Variants in THRAP3 observed in about 807,000 individuals in gnomAD.
THRAP3 encodes the protein thyroid hormone receptor associated protein 3, also known as thyroid hormone receptor-associated protein 3.
THRAP3 carries 16 observed loss-of-function variants against 101.0 expected under a neutral mutation model. The observed-to-expected ratio is 0.16, with a 90% CI of 0.11 to 0.24. The LOEUF is 0.24. Among genes scored for constraint, THRAP3 ranks in the 10% least tolerant of loss-of-function variants. The pLI, the probability that THRAP3 is intolerant of heterozygous loss-of-function variation, is 1.00. For synonymous variants in THRAP3, 407 were observed against 422.6 expected (o/e 0.96, Z 0.45); for missense variants, 989 against 1,202.7 (o/e 0.82, Z 2.63).
At chr1:36,217,532 A>AT in the THRAP3 span, among the ~76,000 whole-genome samples, 4,908 of 145,690 alleles carry the variant, frequency 0.034, 247 homozygotes, top group African/African-American at 0.11. Flanking sequence ...TAGATATGGC[A>AT]TTTTTTTTTT....
intron 2 of THRAP3, among the ~76,000 whole-genome samples, chr1:36,264,991 G>A (rs910923554): frequency 3.9e-5 from 6 of 152,002 alleles, no homozygotes; most frequent in African/African-American, 1.4e-4. Flanking sequence ...CTGTGTCTCC[G>A]CATATCAGGT....
At position 36,291,365 on chromosome 1, in the gene THRAP3, C is replaced by CT. The variant is rs1351325457; in HGVS notation, c.1746-4dup. ...GTTCTAATTGGGCCTCCCCATATTT[C>CT]TTTTTCAGACCCAGTGGCTTATTGG... On this transcript the variant is annotated splice_polypyrimidine_tract_variant and intron_variant, in intron 5 of 11. Coordinates refer to ENST00000354618, the MANE Select transcript of THRAP3 (RefSeq NM_005119.4). 3.1e-6 allele frequency: 5 copies of CT among 1,612,082 alleles called. No homozygotes were observed. Among genetic ancestry groups the CT allele is most frequent in the Non-Finnish European group, 4.2e-6 (5 of 1,179,356 alleles).
chr1:36,273,904 G>A (rs1048749315), intron 2 of THRAP3, among the ~76,000 whole-genome samples: 4 of 152,044 alleles, frequency 2.6e-5, no homozygotes, highest in Admixed American at 6.6e-5. Flanking sequence ...TCAGCTGGGC[G>A]TGGTAGCACA....
chr1:36,223,541 T>C (rs1570205157), upstream of THRAP3, among the ~76,000 whole-genome samples: 1 of 152,178 alleles, frequency 6.6e-6, no homozygotes, highest in South Asian at 2.1e-4. Context: ...AGATGACCTA[T>C]GAGATGGGTC....
At chr1:36,251,609 G>A (rs114477829) in intron 1 of THRAP3, among the ~76,000 whole-genome samples, 4,862 of 152,228 alleles carry the variant, frequency 0.032, 252 homozygotes, top group African/African-American at 0.11. Context: ...CTTATGTTCC[G>A]AGTTTGCTAT....
chr1:36,302,893 G>A (rs1051892795), intron 11 of THRAP3, among the ~76,000 whole-genome samples: 3 of 152,102 alleles, frequency 2.0e-5, no homozygotes, highest in Admixed American at 6.5e-5. Context: ...TTCCTACCCC[G>A]TCACACTGCC....
chr1:36,298,775 G>A (rs1014178523), intron 9 of THRAP3, among the ~76,000 whole-genome samples: 2 of 151,932 alleles, frequency 1.3e-5, no homozygotes, highest in African/African-American at 2.4e-5. Flanking sequence ...CCAAAGCATG[G>A]GATTACAGGC....
At chr1:36,241,382 GGT>G (rs1409659953) in intron 1 of THRAP3, among the ~76,000 whole-genome samples, 3,411 of 15,986 alleles carry the variant, frequency 0.21, 183 homozygotes, top group African/African-American at 0.31. Flanking sequence ...AATGATAATG[GGT>G]GTATATATAT....
At chr1:36,247,162 C>G (rs777156133) in intron 1 of THRAP3, among the ~76,000 whole-genome samples, 1 of 151,750 alleles carries the variant, frequency 6.6e-6, no homozygotes, top group South Asian at 2.1e-4. Flanking sequence ...ACTAAAGATA[C>G]AAAAATTAGC....
intron 2 of THRAP3, among the ~76,000 whole-genome samples, chr1:36,281,007 C>T (rs537203833): frequency 3.6e-4 from 55 of 150,866 alleles, no homozygotes; most frequent in South Asian, 8.4e-4. Context: ...CTCGCTGTAA[C>T]CTCTGCCTCC....
rs10908293 is a variant in THRAP3 at position 36,301,374 on chromosome 1, G to C, written c.2503-179G>C. 0.8 allele frequency among the ~76,000 whole-genome samples: 121,591 copies of C among 152,198 alleles called. 50,146 individuals are homozygous for C. Among genetic ancestry groups the C allele is most frequent in the East Asian group, 0.94 (4,884 of 5,184 alleles). ...GGCCCTTGGGGCAGGTTTGTCCTCTGTGTAGGCTGCAGACTTGAGATGAGC... is the reference window on the plus strand; with the variant it reads ...GGCCCTTGGGGCAGGTTTGTCCTCTCTGTAGGCTGCAGACTTGAGATGAGC... On this transcript the variant is annotated intron_variant, in intron 10 of 11. Transcript: ENST00000354618.
chr1:36,237,768 GAAAAC>G (rs933682248), intron 1 of THRAP3, among the ~76,000 whole-genome samples: 4 of 151,548 alleles, frequency 2.6e-5, no homozygotes, highest in African/African-American at 9.7e-5. Context: ...GAGACTGTCT[GAAAAC>G]AAAACAAACA....
intron 9 of THRAP3, among the ~76,000 whole-genome samples, chr1:36,298,476 G>T (rs1357747876): frequency 6.6e-6 from 1 of 152,038 alleles, no homozygotes; most frequent in Non-Finnish European, 1.5e-5. Context: ...GCAAACCCCG[G>T]TATTCTGTGA....
the THRAP3 span, among the ~76,000 whole-genome samples, chr1:36,215,130 A>G: frequency 7.9e-5 from 12 of 152,096 alleles, no homozygotes; most frequent in African/African-American, 2.9e-4. Flanking sequence ...AGGCTGAGGC[A>G]GGAGAATGGC....
At chr1:36,218,082 A>G in the THRAP3 span, among the ~76,000 whole-genome samples, 1 of 152,214 alleles carries the variant, frequency 6.6e-6, no homozygotes, top group Admixed American at 6.5e-5. Flanking sequence ...GAAGGAAATT[A>G]GGCCAGGCAC....
At chr1:36,248,313 C>T (rs963151663) in intron 1 of THRAP3, among the ~76,000 whole-genome samples, 1 of 151,996 alleles carries the variant, frequency 6.6e-6, no homozygotes, top group Admixed American at 6.6e-5. Flanking sequence ...GTTTTGAATA[C>T]TTTTATTGTA....
chr1:36,290,143 T>A (rs915142198), intron 5 of THRAP3, among the ~76,000 whole-genome samples: 3 of 152,132 alleles, frequency 2.0e-5, no homozygotes, highest in African/African-American at 7.2e-5. Flanking sequence ...CCCCATCAAA[T>A]AACGTAGCAA....
intron 9 of THRAP3, among the ~76,000 whole-genome samples, chr1:36,297,006 T>C (rs1645960706): frequency 1.3e-5 from 2 of 152,240 alleles, no homozygotes; most frequent in Non-Finnish European, 2.9e-5. Context: ...ATCTGTTAAA[T>C]TGACCACAGG....
chr1:36,242,842 AC>A (rs1286947171), intron 1 of THRAP3, among the ~76,000 whole-genome samples: 2 of 151,730 alleles, frequency 1.3e-5, no homozygotes, highest in Non-Finnish European at 2.9e-5. Flanking sequence ...ATCCTTCCTC[AC>A]CCTGAATTCA....
Sources: gnomAD v4.1 joint callset for allele counts (sites outside exome capture counted in the v4.1 genomes callset) on GRCh38, gnomAD v4.1.1 for gene constraint, MANE v1.5 for transcripts, NCBI Gene and HGNC (gene_info 2026-07-23, HGNC 2026-07-21) for gene names.